Variants in FCHO1 observed in about 807,000 individuals in gnomAD.
FCHO1 encodes F-BAR domain only protein 1.
FCHO1 carries 45 observed loss-of-function variants against 114.4 expected under a neutral mutation model. The ratio of observed to expected loss-of-function variants is 0.39; its 90% CI spans 0.31 to 0.50. The LOEUF (loss-of-function observed/expected upper bound fraction) is 0.50. Among genes scored for constraint, FCHO1 ranks in the 20% least tolerant of loss-of-function variants. The pLI is 0.77. For synonymous variants in FCHO1, 480 were observed against 488.9 expected (o/e 0.98, Z 0.24); for missense variants, 1,042 against 1,209.6 (o/e 0.86, Z 2.06).
In FCHO1 at chr19:17,758,319, A is replaced by G. The variant is rs118123111; in HGVS notation, c.27+3128A>G. ...AGGGAAGTTTCTAGAGCAGGTGGCA[A>G]TGATCCTTGGGAAGTGGAAGGATGT... On this transcript the variant is annotated intron_variant, in intron 4 of 28. Coordinates refer to ENST00000596536, the MANE Select transcript of FCHO1 (RefSeq NM_015122.3). Among the ~76,000 whole-genome samples, 4 of 152,282 alleles carry G rather than the reference A, an allele frequency of 2.6e-5. No homozygotes were observed. In the East Asian group the frequency reaches 5.8e-4, roughly 22 times the overall value.
In FCHO1 at chr19:17,787,669, C is replaced by T; in HGVS notation, c.2483-13C>T. On this transcript the variant is annotated splice_polypyrimidine_tract_variant and intron_variant, in intron 27 of 28. Coordinates refer to ENST00000596536, the MANE Select transcript of FCHO1 (RefSeq NM_015122.3). ...GCTGGTGCCAGGGCGCAGCTGACTG[C>T]AGGTCTCCCCAGGTTCTGGCCGCCT... The T allele has an allele frequency of 1.3e-6, 2 of 1,547,130 alleles. No individual in the cohort carries two copies. The highest frequency in any genetic ancestry group is 1.7e-6 in the Non-Finnish European group (2 of 1,144,966).
intron 28 of FCHO1, 36 bp from the exon 29 acceptor site, chr19:17,788,240 ACCCCTCCT>A: frequency 4.6e-6 from 3 of 655,838 alleles, no homozygotes; most frequent in Non-Finnish European, 8.2e-6. Flanking sequence ...CCCCTCCCGT[ACCCCTCCT>A]CCCCACCCCT....
intron 6 of FCHO1, among the ~76,000 whole-genome samples, chr19:17,766,328 G>A (rs1188168887): frequency 6.6e-6 from 1 of 151,780 alleles, no homozygotes; most frequent in African/African-American, 2.4e-5. Context: ...GTACAGACGG[G>A]GGTTTCACCA....
chr19:17,780,696 C>T (rs555023725), intron 20 of FCHO1, among the ~76,000 whole-genome samples: 40 of 151,034 alleles, frequency 2.6e-4, no homozygotes, highest in African/African-American at 7.8e-4. Context: ...TCGGGTAGAG[C>T]GGGGAGCACA....
Position 17,787,424 on chromosome 19 carries a change from A to AAT in FCHO1, c.2483-257_2483-256insTA, listed in dbSNP as rs1555735526. ...AGACCCTGTCTCTAAAAAAAAAAAA[A>AAT]AAAAGCTGAAGGAGAGGGCGTCCCA... On this transcript the variant is annotated intron_variant, in intron 27 of 28. Coordinates refer to ENST00000596536, the MANE Select transcript of FCHO1 (RefSeq NM_015122.3). Among the ~76,000 whole-genome samples, 7 of 151,732 alleles carry AAT rather than the reference A, an allele frequency of 4.6e-5. 1 individual carries two copies. Among genetic ancestry groups the AAT allele is most frequent in the African/African-American group, 1.7e-4 (7 of 41,306 alleles).
rs546184750 is a variant in FCHO1, at chr19:17,786,527, C to A, written c.2427-47C>A. On this transcript the variant is annotated intron_variant, in intron 26 of 28. Coordinates refer to ENST00000596536, the MANE Select transcript of FCHO1 (RefSeq NM_015122.3). ...CAGCTGAGGCAGGACCCTGGGCTCT[C>A]AGCATCCTCTCTGGGGAAGCCCTGA... is the stretch of plus-strand genomic sequence containing the variant. 1.9e-5 allele frequency: 30 copies of A among 1,603,268 alleles called. No individual in the cohort carries two copies. In the East Asian group the frequency reaches 5.8e-4, roughly 31 times the overall value.
intron 10 of FCHO1, 32 bp from the exon 11 acceptor site, chr19:17,772,613 G>T (rs1467380813): frequency 6.2e-7 from 1 of 1,613,608 alleles, no homozygotes; most frequent in South Asian, 1.1e-5. Context: ...AAGGGGCCTT[G>T]ACCAGTTACA....
intron 7 of FCHO1, among the ~76,000 whole-genome samples, chr19:17,768,386 T>G (rs73518393): frequency 0.44 from 66,181 of 151,752 alleles, 15,340 homozygotes; most frequent in East Asian, 0.71. Flanking sequence ...ATTTTTAAAT[T>G]TTTTGTATAG....
chr19:17,751,817 C>G lies in FCHO1; in HGVS notation c.-183+240C>G, dbSNP rs184173366. Among the ~76,000 whole-genome samples the G allele has an allele frequency of 6.6e-6, 1 of 152,182 alleles. No individual in the cohort carries two copies. Among genetic ancestry groups the G allele is most frequent in the South Asian group, 2.1e-4 (1 of 4,836 alleles). On this transcript the variant is annotated intron_variant, in intron 1 of 28. Transcript: ENST00000596536. This position sits in a 1 kb window ranked among gnomAD's most constrained non-coding sequence, Gnocchi z 4.4. ...GGGAGCTTGGAAACCCAGAGAGCCA[C>G]GCGTGATGGTTTCAAACAGGAGGTC...
Position 17,783,135 on chromosome 19 carries a change from A to G in FCHO1, c.2056A>G (p.Ile686Val), listed in dbSNP as rs749271237. 13 of 1,613,986 alleles carry G rather than the reference A, an allele frequency of 8.1e-6. No homozygotes were observed. Among genetic ancestry groups the G allele is most frequent in the South Asian group, 6.6e-5 (6 of 91,082 alleles). Residue 686 changes from isoleucine to valine, a missense_variant, in exon 24 of 29, where the codon ATT becomes GTT. Physicochemically the swap from Ile to Val is conservative, Grantham distance 29. Around this residue, in one of 3 missense-constraint regions of FCHO1, gnomAD observed 455 missense variants for 455.4 expected, o/e 1.00. Transcript: ENST00000596536. ...CTTCCGGCTTGTACACACAACCGCTATTGAGCACTTCCAGCCCAACGCCGA... is the reference window on the plus strand; with the variant it reads ...CTTCCGGCTTGTACACACAACCGCTGTTGAGCACTTCCAGCCCAACGCCGA... ...LSFRLVHTTAIEHFQPNADLL... is the reference protein window; with the variant it reads ...LSFRLVHTTAVEHFQPNADLL...
At chr19:17,752,507 AC>A (rs761478715) in intron 1 of FCHO1, 63,246 of 151,846 alleles carry the variant, frequency 0.42, 15,103 homozygotes, top group East Asian at 0.74. Context: ...TGATCCACCC[AC>A]CTCGGCCTCC....
At chr19:17,767,812 T>G (rs1031864440) in intron 7 of FCHO1, among the ~76,000 whole-genome samples, 3 of 152,218 alleles carry the variant, frequency 2.0e-5, no homozygotes, top group African/African-American at 7.2e-5. Flanking sequence ...CCAAACACAT[T>G]TGCTATCTGT....
rs1461054655 is a variant in FCHO1, at chr19:17,788,466, G to A, written c.*160G>A. 7 of 597,494 alleles carry A rather than the reference G, an allele frequency of 1.2e-5. No individual in the cohort carries two copies. Among genetic ancestry groups the A allele is most frequent in the Admixed American group, 9.7e-5 (3 of 30,772 alleles). 37.0% of individuals were successfully genotyped at this position (597,494 alleles called of 1,614,324 possible). ...CCCAGCCTGGCTGAGCCCGAGATTC[G>A]CTCCTCCCCCTCATGCCAACCCCAC... On this transcript the variant is annotated 3_prime_UTR_variant, in exon 29 of 29. Transcript: ENST00000596536.
rs571990005 is a variant in FCHO1, at chr19:17,787,812, C to T, written c.2613C>T (p.Tyr871=). Residue 871 remains tyrosine (Y), a synonymous_variant, in exon 28 of 29, where the codon TAC becomes TAT. Transcript: ENST00000596536. ...ACTTGGAACTGGTGGGCAGCGGTTA[C>T]CGCATGTCGCTGGTGAAGAGGAGGT... ...GVDLELVGSG[Y]RMSLVKRRFA... is the part of the protein sequence containing the mutation. 3.7e-6 allele frequency: 6 copies of T among 1,613,538 alleles called. No individual in the cohort carries two copies. In the South Asian group the frequency reaches 5.5e-5, roughly 15 times the overall value.
intron 20 of FCHO1, 58 bp downstream of exon 20, chr19:17,778,942 G>T: frequency 6.9e-7 from 1 of 1,455,426 alleles, no homozygotes. Flanking sequence ...GGGATTGAGC[G>T]CCTGCTTTGG....
chr19:17,777,531 G>A (rs1234902049), intron 18 of FCHO1, among the ~76,000 whole-genome samples: 5 of 86,340 alleles, frequency 5.8e-5, no homozygotes, highest in Admixed American at 1.8e-4. Flanking sequence ...AGGAAACTCC[G>A]TCTCAAAAAA....
At position 17,770,572 on chromosome 19, in the gene FCHO1, G is replaced by A; in HGVS notation, c.484G>A (p.Asp162Asn). 1.2e-6 allele frequency: 2 copies of A among 1,611,192 alleles called. No individual in the cohort carries two copies. The highest frequency in any genetic ancestry group is 2.2e-5 in the South Asian group (2 of 90,882). Residue 162 changes from aspartate to asparagine, a missense_variant, in exon 8 of 29, where the codon GAC becomes AAC. By Grantham distance (23) the Asp-to-Asn change is conservative. This residue lies in a region of FCHO1 where 450 missense variants were observed against 564.1 expected (regional missense o/e 0.80). Transcript: ENST00000596536. Reference protein sequence around the residue: ...RRESTSQKEMDKAETKTKKAA... With the variant: ...RRESTSQKEMNKAETKTKKAA... Reference sequence around the variant, plus strand: ...GGAGAGTACCAGCCAGAAGGAGATGGACAAGGTGGGCTCACAGTGGGGGGG... The same window carrying A: ...GGAGAGTACCAGCCAGAAGGAGATGAACAAGGTGGGCTCACAGTGGGGGGG...
intron 4 of FCHO1, 62 bp from the exon 5 acceptor site, chr19:17,762,700 G>A (rs778495172): frequency 2.4e-6 from 3 of 1,274,974 alleles, no homozygotes; most frequent in Non-Finnish European, 3.4e-6. Context: ...CCACGCCCCC[G>A]TTGCTAAGCA....
intron 7 of FCHO1, among the ~76,000 whole-genome samples, chr19:17,767,684 C>A (rs1766467492): frequency 6.6e-6 from 1 of 151,498 alleles, no homozygotes; most frequent in African/African-American, 2.4e-5. Context: ...AATTGTATGA[C>A]AGTCACATAT....
Sources: allele counts gnomAD v4.1 joint callset (sites outside exome capture counted in the v4.1 genomes callset), GRCh38; gene constraint gnomAD v4.1.1; regional missense constraint gnomAD v4.1.1; non-coding constraint Gnocchi (gnomAD v3.1); transcripts MANE v1.5; gene names NCBI Gene and HGNC (gene_info 2026-07-23, HGNC 2026-07-21).